RIMKLB: variants seen among roughly 807,000 people sequenced by gnomAD.
RIMKLB encodes the protein ribosomal modification protein rimK like family member B.
RIMKLB carries 7 observed loss-of-function variants against 32.0 expected under a neutral mutation model. The ratio of observed to expected loss-of-function variants is 0.22; its 90% CI spans 0.12 to 0.41. The LOEUF (loss-of-function observed/expected upper bound fraction) is 0.41, where lower values mean the gene tolerates loss of function less well. RIMKLB is among the 10% of genes least tolerant of loss of function. RIMKLB has a pLI of 1.00. For missense variants in RIMKLB, 289 were observed against 498.7 expected (o/e 0.58, Z 4.00); for synonymous variants, 172 against 185.1 (o/e 0.93, Z 0.57).
At chr12:8,730,349 A>G (rs766203966) in intron 2 of RIMKLB, among the ~76,000 whole-genome samples, 153 of 152,260 alleles carry the variant, frequency 1.0e-3, no homozygotes, top group African/African-American at 3.5e-3. Flanking sequence ...CAGCCTCCCA[A>G]AGTGCTGGGA....
upstream of RIMKLB, among the ~76,000 whole-genome samples, chr12:8,677,023 T>C (rs142716740): frequency 4.3e-3 from 652 of 152,268 alleles, 7 homozygotes; most frequent in African/African-American, 0.015. Flanking sequence ...CTTGCTGCTG[T>C]TCTCACTGAG....
chr12:8,781,383 A>G (rs966472307), downstream of RIMKLB, among the ~76,000 whole-genome samples: 5 of 152,276 alleles, frequency 3.3e-5, no homozygotes, highest in East Asian at 9.7e-4. Context: ...TTCCCTTTTT[A>G]GTGGGAGCTT....
chr12:8,714,054 A>G lies in RIMKLB; in HGVS notation c.175+13A>G, dbSNP rs1278850790. On this transcript the variant is annotated intron_variant, in intron 2 of 5. Coordinates refer to ENST00000535829, the MANE Select transcript of RIMKLB (RefSeq NM_001297776.2). ...CAAGGAAACCTGGGTAAGTCTGTAT[A>G]CTAAGTGATCTTTTGGATTTTTACC... is the stretch of plus-strand genomic sequence containing the variant. 2 of 1,610,848 alleles carry G rather than the reference A, an allele frequency of 1.2e-6. No homozygotes were observed. Among genetic ancestry groups the G allele is most frequent in the East Asian group, 2.2e-5 (1 of 44,854 alleles).
upstream of RIMKLB, among the ~76,000 whole-genome samples, chr12:8,695,039 C>T (rs1257241301): frequency 6.6e-6 from 1 of 152,142 alleles, no homozygotes. Context: ...CTTCATTTTG[C>T]TGATGAGAAA....
intron 1 of RIMKLB, among the ~76,000 whole-genome samples, chr12:8,704,167 G>A (rs7307494): frequency 0.071 from 10,853 of 152,108 alleles, 1,258 homozygotes; most frequent in African/African-American, 0.24. Context: ...GGATCATTTG[G>A]GGTCAGGAGT....
At chr12:8,699,299 T>C (rs777421757) in intron 1 of RIMKLB, among the ~76,000 whole-genome samples, 1 of 152,340 alleles carries the variant, frequency 6.6e-6, no homozygotes, top group Admixed American at 6.5e-5. Context: ...ATTATATTTA[T>C]GGGTGTTCTT....
At chr12:8,690,616 G>A (rs1268927538) in intron 1 of RIMKLB, among the ~76,000 whole-genome samples, 3 of 152,150 alleles carry the variant, frequency 2.0e-5, no homozygotes. Context: ...GTCTCCGTTT[G>A]CTCATCTGTA....
intron 1 of RIMKLB, among the ~76,000 whole-genome samples, chr12:8,685,863 T>C (rs1325225709): frequency 1.3e-5 from 2 of 151,890 alleles, no homozygotes; most frequent in Non-Finnish European, 2.9e-5. Context: ...GCTGGAGTGC[T>C]GTGGGGCAAT....
chr12:8,763,580 T>G (rs1591970635), intron 5 of RIMKLB, among the ~76,000 whole-genome samples: 2 of 152,248 alleles, frequency 1.3e-5, no homozygotes. Flanking sequence ...GCTGAGCGCC[T>G]TGGTGCTTTT....
upstream of RIMKLB, among the ~76,000 whole-genome samples, chr12:8,693,985 G>A (rs1464099692): frequency 6.6e-6 from 1 of 152,068 alleles, no homozygotes; most frequent in Non-Finnish European, 1.5e-5. Flanking sequence ...GCTCATGCCT[G>A]TAATCCCAGC....
At chr12:8,770,155 GT>G (rs758661290) in intron 5 of RIMKLB, among the ~76,000 whole-genome samples, 105 of 152,190 alleles carry the variant, frequency 6.9e-4, no homozygotes, top group African/African-American at 2.3e-3. Context: ...TAGAGACGGG[GT>G]TTCACCATGT....
chr12:8,765,406 C>T lies in RIMKLB; in HGVS notation c.698-7915C>T, dbSNP rs1949871603. Among the ~76,000 whole-genome samples, 5 of 152,222 alleles carry T rather than the reference C, an allele frequency of 3.3e-5. No homozygotes were observed. In the South Asian group the frequency reaches 1.0e-3, roughly 32 times the overall value. On this transcript the variant is annotated intron_variant, in intron 5 of 5. Transcript: ENST00000535829. ...CCTCTGTTGTCATCCTATCATTGAC[C>T]TGACTGAGATACCAGAGATCACCAA...
upstream of RIMKLB, chr12:8,697,232 CA>C (rs1427066264): frequency 1.3e-5 from 2 of 152,238 alleles, no homozygotes; most frequent in Non-Finnish European, 2.9e-5. Context: ...CCTGTATCTC[CA>C]AACCCGCTTC....
At chr12:8,777,368 T>A, downstream of RIMKLB, 1 of 985,110 alleles carries the variant, frequency 1.0e-6, no homozygotes, top group Non-Finnish European at 1.2e-6. Flanking sequence ...CAGGTTTAAT[T>A]TGAAATGTTT....
chr12:8,730,763 G>A (rs1376348299), intron 2 of RIMKLB, among the ~76,000 whole-genome samples: 10 of 152,080 alleles, frequency 6.6e-5, no homozygotes, highest in African/African-American at 1.9e-4. Flanking sequence ...TCTTTGAGAC[G>A]GAGTCTTGCT....
chr12:8,757,435 C>T (rs1409835809), intron 5 of RIMKLB, among the ~76,000 whole-genome samples: 1 of 142,664 alleles, frequency 7.0e-6, no homozygotes, highest in Non-Finnish European at 1.5e-5. Context: ...TGGGAGGCTG[C>T]ATTCTGGCCT....
chr12:8,776,040 CAT>C lies in RIMKLB; in HGVS notation c.*2260_*2261del. 1.0e-6 allele frequency: 1 copy of C among 983,608 alleles called. No individual in the cohort carries two copies. Among genetic ancestry groups the C allele is most frequent in the African/African-American group, 1.7e-5 (1 of 57,316 alleles). 60.9% of individuals were successfully genotyped at this position (983,608 alleles called of 1,614,324 possible). ...TTAATTAAATTATCATTCATATGTT[CAT>C]ATAGAGACCATCTGGTTGCCATGTG... is the stretch of plus-strand genomic sequence containing the variant. On this transcript the variant is annotated 3_prime_UTR_variant, in exon 6 of 6. Transcript: ENST00000535829.
At chr12:8,669,887 C>CGGG in the RIMKLB span, among the ~76,000 whole-genome samples, 8 of 151,464 alleles carry the variant, frequency 5.3e-5, no homozygotes, top group Admixed American at 1.3e-4. Context: ...ATTAGCCGGG[C>CGGG]GTGGTGGCGG....
chr12:8,755,629 C>T (rs1365564532), intron 5 of RIMKLB, among the ~76,000 whole-genome samples: 1 of 152,176 alleles, frequency 6.6e-6, no homozygotes. Flanking sequence ...CTTCTTGCTT[C>T]TACCCTTCCC....
Sources: allele counts gnomAD v4.1 joint callset (sites outside exome capture counted in the v4.1 genomes callset), GRCh38; gene constraint gnomAD v4.1.1; transcripts MANE v1.5; gene names NCBI Gene and HGNC (gene_info 2026-07-23, HGNC 2026-07-21).